The following PCCA variants were observed in gnomAD, a reference collection of about 807,000 sequenced individuals.
PCCA encodes propionyl-CoA carboxylase alpha chain, mitochondrial.
In PCCA, 74 loss-of-function variants were observed where a neutral mutation model predicts 101.3. The observed-to-expected ratio is 0.73, with a 90% confidence interval of 0.61 to 0.89. The LOEUF is 0.89. PCCA is among the 40% of genes least tolerant of loss of function. The pLI is 0.00. For missense variants in PCCA, 891 were observed against 907.0 expected, an observed-to-expected ratio of 0.98 and a Z score of 0.23; for synonymous variants, 294 against 313.6, an observed-to-expected ratio of 0.94 and a Z score of 0.66.
chr13:100,298,065 C>T (rs2065697102), intron 12 of PCCA, among the ~76,000 whole-genome samples: 1 of 150,642 alleles, frequency 6.6e-6, no homozygotes, highest in African/African-American at 2.4e-5. Flanking sequence ...CAATGCAAAA[C>T]AGTGCTGTCT....
intron 6 of PCCA, among the ~76,000 whole-genome samples, chr13:100,176,422 TTTAA>T (rs2056243094): frequency 6.6e-6 from 1 of 152,242 alleles, no homozygotes; most frequent in Non-Finnish European, 1.5e-5. Context: ...ACATTTTAAG[TTTAA>T]TTATTTACAT....
chr13:100,526,719 G>A lies in PCCA; in HGVS notation c.2041-956G>A, dbSNP rs2277436. Among the ~76,000 whole-genome samples the A allele has an allele frequency of 3.9e-5, 6 of 152,356 alleles. No homozygotes were observed. The South Asian group carries it at 6.2e-4, about 16-fold the overall frequency. On this transcript the variant is annotated intron_variant, in intron 22 of 23. Transcript: ENST00000376285. ...TGGGAGGCCAAAGAAAAACCTGGCC[G>A]GCTCAGGACGCTGACCCATCGGGGC...
intron 21 of PCCA, among the ~76,000 whole-genome samples, chr13:100,452,352 A>G (rs1052590587): frequency 1.3e-5 from 2 of 151,660 alleles, no homozygotes; most frequent in African/African-American, 4.9e-5. Context: ...CGTCCACCTC[A>G]CTGCCATGCT....
At chr13:100,201,316 C>G (rs983436681) in intron 6 of PCCA, among the ~76,000 whole-genome samples, 9 of 151,986 alleles carry the variant, frequency 5.9e-5, no homozygotes, top group Admixed American at 3.3e-4. Context: ...CAGGAGTGGG[C>G]AAACCTTTTC....
At chr13:100,139,912 T>TG (rs968686736) in intron 4 of PCCA, among the ~76,000 whole-genome samples, 5 of 152,038 alleles carry the variant, frequency 3.3e-5, no homozygotes, top group African/African-American at 1.2e-4. Flanking sequence ...AGTTTTTTTT[T>TG]GTTTTTTTTT....
chr13:100,513,496 A>G (rs761916126), intron 21 of PCCA, among the ~76,000 whole-genome samples: 1 of 152,238 alleles, frequency 6.6e-6, no homozygotes, highest in Non-Finnish European at 1.5e-5. Flanking sequence ...GGAATCTGAA[A>G]GATGAAAATT....
chr13:100,145,575 G>A (rs1346036935), intron 4 of PCCA, among the ~76,000 whole-genome samples: 1 of 152,122 alleles, frequency 6.6e-6, no homozygotes, highest in Non-Finnish European at 1.5e-5. Context: ...GAATGTTTAG[G>A]TATAACGGTA....
intron 9 of PCCA, 43 bp from the exon 10 acceptor site, chr13:100,262,686 C>T: frequency 1.2e-6 from 1 of 820,378 alleles, no homozygotes; most frequent in Non-Finnish European, 2.2e-6. Context: ...TCCCCTTCCC[C>T]TCCCTCTCCC....
At chr13:100,267,986 A>AT (rs1353739401) in intron 10 of PCCA, among the ~76,000 whole-genome samples, 1 of 152,020 alleles carries the variant, frequency 6.6e-6, no homozygotes, top group East Asian at 1.9e-4. Flanking sequence ...CAGATTTCAG[A>AT]TTTTTTTGGG....
Position 100,160,882 on chromosome 13 carries a change from C to G in PCCA, c.468+3542C>G, listed in dbSNP as rs1014303418. The G allele has an allele frequency of 3.9e-5, 6 of 151,978 alleles. No homozygotes were observed. In the South Asian group the frequency reaches 8.3e-4, roughly 21 times the overall value. 9.4% of individuals were successfully genotyped at this position (151,978 alleles called of 1,614,324 possible). On this transcript the variant is annotated intron_variant, in intron 6 of 23. Transcript: ENST00000376285. ...ATGTTGTTTTAATCATATTATCATA[C>G]CTTGTCATTTCAGGTAACATAGCAT... is the stretch of plus-strand genomic sequence containing the variant.
At chr13:100,483,251 AG>A (rs2084094418) in intron 21 of PCCA, among the ~76,000 whole-genome samples, 1 of 151,776 alleles carries the variant, frequency 6.6e-6, no homozygotes, top group Non-Finnish European at 1.5e-5. Context: ...TGAGCCTTTC[AG>A]GGAAAAAAAA....
chr13:100,439,045 T>C (rs561872595), intron 20 of PCCA, among the ~76,000 whole-genome samples: 25 of 152,270 alleles, frequency 1.6e-4, no homozygotes, highest in Admixed American at 9.8e-4. Flanking sequence ...TTAAATACAA[T>C]TGAAAATTTA....
intron 7 of PCCA, among the ~76,000 whole-genome samples, chr13:100,222,915 A>C (rs975206143): frequency 3.9e-5 from 6 of 152,206 alleles, no homozygotes; most frequent in African/African-American, 1.4e-4. Flanking sequence ...CATTGTGTGC[A>C]GTACTTCAGT....
intron 6 of PCCA, among the ~76,000 whole-genome samples, chr13:100,207,412 C>T (rs909367290): frequency 7.2e-5 from 11 of 151,976 alleles, no homozygotes; most frequent in African/African-American, 2.2e-4. Context: ...GATGGAGTCT[C>T]GCTCTGTCGC....
intron 6 of PCCA, among the ~76,000 whole-genome samples, chr13:100,164,824 A>G (rs1253028178): frequency 6.6e-6 from 1 of 152,188 alleles, no homozygotes; most frequent in Non-Finnish European, 1.5e-5. Context: ...GAAACTGTAC[A>G]TATTAAACAC....
Position 100,263,806 on chromosome 13 carries a change from C to T in PCCA, c.819+975C>T, listed in dbSNP as rs187216592. Among the ~76,000 whole-genome samples the T allele has an allele frequency of 9.7e-3, 1,301 of 133,698 alleles. 24 individuals are homozygous for T. The highest frequency in any genetic ancestry group is 0.033 in the African/African-American group (1,229 of 37,344). The allele number at this position is 133,698 out of a possible 152,430, so 87.7% of individuals were successfully genotyped here. ...ATACGGTATCTGTATATCATATATACAGTATCTGTATATCATATATATGGT... is the reference window on the plus strand; with the variant it reads ...ATACGGTATCTGTATATCATATATATAGTATCTGTATATCATATATATGGT... On this transcript the variant is annotated intron_variant, in intron 10 of 23. Coordinates refer to ENST00000376285, the MANE Select transcript of PCCA (RefSeq NM_000282.4).
intron 21 of PCCA, among the ~76,000 whole-genome samples, chr13:100,449,930 T>C (rs2081098861): frequency 6.6e-6 from 1 of 152,224 alleles, no homozygotes; most frequent in Non-Finnish European, 1.5e-5. Context: ...CCACCCATCA[T>C]ATATTAGAAC....
chr13:100,341,144 T>C (rs1191851994), intron 18 of PCCA, among the ~76,000 whole-genome samples: 1 of 152,208 alleles, frequency 6.6e-6, no homozygotes, highest in Non-Finnish European at 1.5e-5. Context: ...GCTTACAGTG[T>C]ATCTTTTTAA....
chr13:100,114,860 T>A (rs1012719511), intron 4 of PCCA, among the ~76,000 whole-genome samples: 1 of 152,106 alleles, frequency 6.6e-6, no homozygotes, highest in Non-Finnish European at 1.5e-5. Flanking sequence ...TAAAGAACAG[T>A]ATGGAGGTTT....
Sources: allele counts gnomAD v4.1 joint callset (sites outside exome capture counted in the v4.1 genomes callset), GRCh38; gene constraint gnomAD v4.1.1; transcripts MANE v1.5; gene names NCBI Gene and HGNC (gene_info 2026-07-23, HGNC 2026-07-21).